Variants in CTNNA2 observed in about 807,000 individuals in gnomAD.
CTNNA2 encodes the protein catenin alpha 2, also known as catenin alpha-2.
A neutral mutation model predicts 101.0 loss-of-function variants in CTNNA2; 42 were observed. The ratio of observed to expected loss-of-function variants is 0.42; its 90% confidence interval spans 0.32 to 0.54. CTNNA2 has a LOEUF of 0.54. CTNNA2 is among the 20% of genes least tolerant of loss of function. CTNNA2 has a pLI of 0.14. For missense variants in CTNNA2, 871 were observed against 1,223.1 expected, an observed-to-expected ratio of 0.71 and a Z score of 4.29; for synonymous variants, 450 against 456.4, an observed-to-expected ratio of 0.99 and a Z score of 0.18.
At chr2:79,258,038 A>C (rs978616961) in intron 2 of CTNNA2, among the ~76,000 whole-genome samples, 2 of 152,162 alleles carry the variant, frequency 1.3e-5, no homozygotes, top group African/African-American at 4.8e-5. Context: ...GAGAAGAGTC[A>C]TTCTGGATGA....
At chr2:79,533,766 T>C (rs1672888907) in intron 1 of CTNNA2, among the ~76,000 whole-genome samples, 1 of 151,448 alleles carries the variant, frequency 6.6e-6, no homozygotes. Flanking sequence ...TCTTCTAAAA[T>C]AGTGTCTGAG....
At chr2:80,112,876 C>A (rs150660894) in intron 7 of CTNNA2, among the ~76,000 whole-genome samples, 1 of 152,068 alleles carries the variant, frequency 6.6e-6, no homozygotes, top group Admixed American at 6.6e-5. Flanking sequence ...TTTGGATCAC[C>A]TGTTGTTTGG....
At chr2:79,266,656 T>G (rs1279189180) in intron 2 of CTNNA2, among the ~76,000 whole-genome samples, 1 of 149,558 alleles carries the variant, frequency 6.7e-6, no homozygotes, top group Non-Finnish European at 1.5e-5. Flanking sequence ...TAAGTGAAGA[T>G]AAAGATAACC....
chr2:80,098,527 C>T (rs1369785500), intron 7 of CTNNA2, among the ~76,000 whole-genome samples: 1 of 152,206 alleles, frequency 6.6e-6, no homozygotes, highest in Non-Finnish European at 1.5e-5. Flanking sequence ...CTACTCTCTT[C>T]AAAGCTGTCA....
At chr2:80,353,403 G>A (rs1041985963) in intron 7 of CTNNA2, among the ~76,000 whole-genome samples, 2 of 151,988 alleles carry the variant, frequency 1.3e-5, no homozygotes, top group African/African-American at 4.8e-5. Context: ...GTCAAATATC[G>A]GACATACCAT....
intron 3 of CTNNA2, among the ~76,000 whole-genome samples, chr2:79,366,042 A>G (rs1000620455): frequency 6.6e-6 from 1 of 152,256 alleles, no homozygotes; most frequent in Non-Finnish European, 1.5e-5. Context: ...TGCAGCATTA[A>G]CAAAAAATTA....
chr2:80,577,518 G>A (rs995818412), intron 13 of CTNNA2, among the ~76,000 whole-genome samples: 1 of 152,066 alleles, frequency 6.6e-6, no homozygotes, highest in Non-Finnish European at 1.5e-5. Flanking sequence ...CTGAGCAGGG[G>A]AATAGTGTGA....
chr2:79,358,794 T>C (rs1028816313), intron 3 of CTNNA2, among the ~76,000 whole-genome samples: 12 of 152,184 alleles, frequency 7.9e-5, no homozygotes, highest in African/African-American at 2.9e-4. Context: ...TTAAATAAGT[T>C]GTTCAAGTTC....
intron 7 of CTNNA2, among the ~76,000 whole-genome samples, chr2:80,372,501 A>G (rs1247859823): frequency 6.6e-6 from 1 of 151,588 alleles, no homozygotes; most frequent in Non-Finnish European, 1.5e-5. Flanking sequence ...TCCTGGGTTT[A>G]TCTCTCACTC....
intron 7 of CTNNA2, among the ~76,000 whole-genome samples, chr2:79,977,160 T>C (rs1243053904): frequency 1.3e-5 from 2 of 152,018 alleles, no homozygotes. Flanking sequence ...TTTATGTGAA[T>C]CAATAAATGC....
chr2:80,404,543 T>C (rs1180165185), intron 8 of CTNNA2, among the ~76,000 whole-genome samples: 1 of 152,194 alleles, frequency 6.6e-6, no homozygotes, highest in Non-Finnish European at 1.5e-5. Context: ...TGATTTTCAG[T>C]TACCCCCAAA....
chr2:79,386,096 G>A (rs945630846), intron 4 of CTNNA2, among the ~76,000 whole-genome samples: 4 of 152,218 alleles, frequency 2.6e-5, no homozygotes, highest in East Asian at 1.9e-4. Flanking sequence ...AGATCCTTGA[G>A]GAATTGCCAC....
At chr2:79,857,191 CT>C (rs914805345) in intron 3 of CTNNA2, among the ~76,000 whole-genome samples, 3 of 152,150 alleles carry the variant, frequency 2.0e-5, no homozygotes, top group African/African-American at 7.2e-5. Context: ...ACACCTCTTT[CT>C]TTTTTGCATC....
At chr2:80,351,460 C>T (rs980235857) in intron 7 of CTNNA2, among the ~76,000 whole-genome samples, 3 of 152,076 alleles carry the variant, frequency 2.0e-5, no homozygotes, top group Non-Finnish European at 4.4e-5. Flanking sequence ...TGGCCACATT[C>T]CTGGGAAAAT....
At chr2:80,504,386 C>T (rs1688110575) in intron 9 of CTNNA2, among the ~76,000 whole-genome samples, 1 of 152,170 alleles carries the variant, frequency 6.6e-6, no homozygotes, top group South Asian at 2.1e-4. Context: ...ATAGATAAGG[C>T]TGGGCTCTCC....
At chr2:79,928,572 G>A (rs1034242840) in intron 7 of CTNNA2, among the ~76,000 whole-genome samples, 1 of 152,154 alleles carries the variant, frequency 6.6e-6, no homozygotes, top group African/African-American at 2.4e-5. Flanking sequence ...TGAGTCAGAT[G>A]AAATTTGATA....
At chr2:79,676,876 G>A (rs1012686130) in intron 2 of CTNNA2, among the ~76,000 whole-genome samples, 2 of 152,054 alleles carry the variant, frequency 1.3e-5, no homozygotes, top group Non-Finnish European at 2.9e-5. Flanking sequence ...TTTTTCCCTA[G>A]AGCTTTGCTT....
intron 9 of CTNNA2, among the ~76,000 whole-genome samples, chr2:80,483,368 T>TTATATATATATATA (rs10635965): frequency 2.7e-5 from 4 of 146,096 alleles, no homozygotes; most frequent in African/African-American, 1.0e-4. Flanking sequence ...TGTTGTTGTT[T>TTATATATATATATA]TATATATATA....
chr2:80,528,803 T>C (rs912454368), intron 9 of CTNNA2, among the ~76,000 whole-genome samples: 1 of 152,208 alleles, frequency 6.6e-6, no homozygotes, highest in Non-Finnish European at 1.5e-5. Flanking sequence ...TCTGACATGT[T>C]TTTACACTGA....
Sources: gnomAD v4.1 joint callset for allele counts (sites outside exome capture counted in the v4.1 genomes callset) on GRCh38, gnomAD v4.1.1 for gene constraint, MANE v1.5 for transcripts, NCBI Gene and HGNC (gene_info 2026-07-23, HGNC 2026-07-21) for gene names.